The following CSMD1 variants were observed in gnomAD, a reference collection of about 807,000 sequenced individuals.
The protein encoded by CSMD1 is CUB and sushi domain-containing protein 1.
CSMD1 carries 213 observed loss-of-function variants against 417.5 expected under a neutral mutation model. That is an observed-to-expected ratio of 0.51 (90% CI 0.46 to 0.57). The LOEUF is 0.57. Among genes scored for constraint, CSMD1 ranks in the 20% least tolerant of loss-of-function variants. The probability of loss-of-function intolerance (pLI) is 0.00; values close to 1 mark genes in which losing one functional copy is unlikely to be tolerated. For missense variants in CSMD1, 6,923 were observed against 4,529.7 expected (o/e 1.53, Z -15.17); for synonymous variants, 2,862 against 1,736.8 (o/e 1.65, Z -16.11).
chr8:3,562,267 C>G (rs746877787), intron 10 of CSMD1, among the ~76,000 whole-genome samples: 1 of 151,764 alleles, frequency 6.6e-6, no homozygotes, highest in African/African-American at 2.4e-5. Flanking sequence ...ATGGAGGCCA[C>G]AAAACATCAA....
intron 2 of CSMD1, among the ~76,000 whole-genome samples, chr8:4,625,928 T>C (rs1802078652): frequency 6.6e-6 from 1 of 152,126 alleles, no homozygotes. Flanking sequence ...TTCACCATGT[T>C]GGCCAGGCTG....
intron 3 of CSMD1, among the ~76,000 whole-genome samples, chr8:4,339,709 A>T (rs145538851): frequency 2.6e-5 from 4 of 152,084 alleles, no homozygotes; most frequent in Non-Finnish European, 4.4e-5. Context: ...GAGTGAGAAG[A>T]AAATGAAAGA....
At chr8:3,302,186 C>T (rs931265186) in intron 25 of CSMD1, among the ~76,000 whole-genome samples, 6 of 152,136 alleles carry the variant, frequency 3.9e-5, no homozygotes, top group African/African-American at 1.2e-4. Flanking sequence ...GTTGGGAACA[C>T]GTGATGAGCT....
intron 3 of CSMD1, among the ~76,000 whole-genome samples, chr8:4,073,537 T>A (rs1402991727): frequency 6.6e-6 from 1 of 152,170 alleles, no homozygotes; most frequent in Non-Finnish European, 1.5e-5. Context: ...TAGTGCCAGA[T>A]GGCATAAAAA....
intron 3 of CSMD1, among the ~76,000 whole-genome samples, chr8:4,187,411 C>T (rs1189736961): frequency 6.6e-6 from 1 of 152,050 alleles, no homozygotes; most frequent in Non-Finnish European, 1.5e-5. Context: ...CTTTGGGAGG[C>T]CAAGGCAGGC....
intron 12 of CSMD1, among the ~76,000 whole-genome samples, chr8:3,447,607 A>G (rs1257808724): frequency 1.3e-5 from 2 of 152,182 alleles, no homozygotes; most frequent in East Asian, 1.9e-4. Flanking sequence ...TAGCCCCTGC[A>G]CATGTGATCA....
chr8:4,861,983 G>C (rs984138521), intron 1 of CSMD1, among the ~76,000 whole-genome samples: 3 of 152,030 alleles, frequency 2.0e-5, no homozygotes, highest in African/African-American at 4.8e-5. Flanking sequence ...GCATTAACTA[G>C]TATTGAACAT....
intron 3 of CSMD1, among the ~76,000 whole-genome samples, chr8:4,306,395 C>A (rs1504755): frequency 0.38 from 25,868 of 67,302 alleles, 2,263 homozygotes; most frequent in East Asian, 0.5. Context: ...GATTAAAAAA[C>A]CTACAGAACA....
intron 3 of CSMD1, among the ~76,000 whole-genome samples, chr8:4,165,335 C>A (rs528533358): frequency 1.3e-5 from 2 of 152,232 alleles, no homozygotes; most frequent in African/African-American, 4.8e-5. Flanking sequence ...AGCGCAAACA[C>A]GTGGTGTCCC....
chr8:4,257,926 A>G (rs1208612727), intron 3 of CSMD1, among the ~76,000 whole-genome samples: 1 of 152,214 alleles, frequency 6.6e-6, no homozygotes, highest in African/African-American at 2.4e-5. Context: ...CACTTTAAAA[A>G]TAATAGCCTT....
intron 3 of CSMD1, among the ~76,000 whole-genome samples, chr8:4,295,727 TG>T (rs1797640181): frequency 8.8e-6 from 1 of 113,350 alleles, no homozygotes; most frequent in Non-Finnish European, 1.9e-5. Context: ...TATATATATC[TG>T]TGTGTGTGTA....
At chr8:3,222,211 G>A (rs980383582) in intron 28 of CSMD1, among the ~76,000 whole-genome samples, 1 of 152,008 alleles carries the variant, frequency 6.6e-6, no homozygotes, top group Admixed American at 6.6e-5. Flanking sequence ...TGTATAAAAC[G>A]CAGTGAAAAA....
intron 12 of CSMD1, among the ~76,000 whole-genome samples, chr8:3,466,269 A>T (rs1563065986): frequency 1.3e-5 from 2 of 152,184 alleles, no homozygotes; most frequent in East Asian, 3.9e-4. Context: ...AGGTTCAGTT[A>T]CTGGGCAGCA....
intron 5 of CSMD1, among the ~76,000 whole-genome samples, chr8:3,926,378 G>A (rs548391982): frequency 1.3e-5 from 2 of 149,538 alleles, no homozygotes; most frequent in South Asian, 4.2e-4. Flanking sequence ...CCAGAAACAG[G>A]AGGGCAGTAA....
intron 1 of CSMD1, among the ~76,000 whole-genome samples, chr8:4,865,778 C>T (rs1030788559): frequency 6.6e-6 from 1 of 151,852 alleles, no homozygotes; most frequent in African/African-American, 2.4e-5. Flanking sequence ...AACAAAACCT[C>T]AATCTATGCA....
chr8:3,890,709 A>G (rs1806912570), intron 5 of CSMD1, among the ~76,000 whole-genome samples: 1 of 152,212 alleles, frequency 6.6e-6, no homozygotes, highest in African/African-American at 2.4e-5. Flanking sequence ...AAACATTTAA[A>G]GGAAGATATT....
At chr8:3,096,116 A>G (rs1489407680) in intron 47 of CSMD1, among the ~76,000 whole-genome samples, 1 of 152,198 alleles carries the variant, frequency 6.6e-6, no homozygotes, top group East Asian at 1.9e-4. Flanking sequence ...GGAGAGAGAG[A>G]AAGAGTTATT....
At chr8:2,989,473 C>T (rs1213483441) in intron 54 of CSMD1, among the ~76,000 whole-genome samples, 1 of 152,150 alleles carries the variant, frequency 6.6e-6, no homozygotes, top group Non-Finnish European at 1.5e-5. Flanking sequence ...CTCCTCCATC[C>T]CCTGCTTCAT....
chr8:4,280,146 T>G (rs527759287), intron 3 of CSMD1, among the ~76,000 whole-genome samples: 7 of 152,350 alleles, frequency 4.6e-5, no homozygotes, highest in Admixed American at 3.9e-4. Flanking sequence ...ATATTCTGAA[T>G]TATTTAGAAG....
Sources: gnomAD v4.1 joint callset for allele counts (sites outside exome capture counted in the v4.1 genomes callset) on GRCh38, gnomAD v4.1.1 for gene constraint, MANE v1.5 for transcripts, NCBI Gene and HGNC (gene_info 2026-07-23, HGNC 2026-07-21) for gene names.